GSTM5: variants seen among roughly 807,000 people sequenced by gnomAD.
GSTM5 encodes GST class-mu 5.
A neutral mutation model predicts 29.0 loss-of-function variants in GSTM5; 24 were observed. That is an observed-to-expected ratio of 0.83 (90% CI 0.60 to 1.16). The LOEUF (loss-of-function observed/expected upper bound fraction) is 1.16, where lower values mean the gene tolerates loss of function less well. GSTM5 is among the 50% of genes most tolerant of loss of function. The pLI, the probability that GSTM5 is intolerant of heterozygous loss-of-function variation, is 0.00. For missense variants in GSTM5, 290 were observed against 263.0 expected (o/e 1.10, Z -0.71); for synonymous variants, 91 against 93.6 (o/e 0.97, Z 0.16).
At position 109,715,172 on chromosome 1, in the gene GSTM5, A is replaced by C. The variant is rs749646059; in HGVS notation, c.499A>C (p.Lys167Gln). 20 of 1,614,074 alleles carry C rather than the reference A, an allele frequency of 1.2e-5. No homozygotes were observed. The highest frequency in any genetic ancestry group is 1.6e-4 in the Middle Eastern group (1 of 6,084). ...DFLAYDVLDM[K>Q]RIFEPKCLDA... is the part of the protein sequence containing the mutation. The stretch of plus-strand genomic sequence containing the variant: ...CCTTGCCTATGATGTCCTTGACATG[A>C]AGCGTATATTTGAGCCCAAGTGCTT... The change falls in exon 7 of 8, where the codon AAG becomes CAG. Residue 167 changes from lysine to glutamine, a missense_variant. Transcript: ENST00000256593.
At chr1:109,713,298 C>G in intron 3 of GSTM5, 115 bp downstream of exon 3, 1 of 1,495,738 alleles carries the variant, frequency 6.7e-7, no homozygotes, top group South Asian at 1.1e-5. Context: ...ATTCCTCTCA[C>G]TCTTGGCTGT....
At chr1:109,712,194 G>A (rs1397899995), upstream of GSTM5, 3 of 1,099,674 alleles carry the variant, frequency 2.7e-6, no homozygotes, top group Non-Finnish European at 2.8e-6. Context: ...GTGTTTCGGG[G>A]TTGTGGCGGG....
chr1:109,712,450 C>T (rs1029759691), intron 1 of GSTM5, 102 bp downstream of exon 1: 19 of 1,389,394 alleles, frequency 1.4e-5, no homozygotes, highest in African/African-American at 1.0e-4. Context: ...CAGGGCTGCC[C>T]GCCTCAGAAG....
rs969633150 is a variant in GSTM5 at position 109,712,963 on chromosome 1, T to A, written c.113-156T>A. The A allele has an allele frequency of 3.7e-5, 36 of 977,760 alleles. No homozygotes were observed. In the East Asian group the frequency reaches 9.4e-4, roughly 26 times the overall value. The allele number at this position is 977,760 out of a possible 1,614,324, so 60.6% of individuals were successfully genotyped here. A position where few individuals can be genotyped will look rare whatever the true frequency, so the allele number is the denominator to read the frequency against. On this transcript the variant is annotated intron_variant, in intron 2 of 7. Transcript: ENST00000256593. The stretch of plus-strand genomic sequence containing the variant: ...CCGTTGTGGGGTCCAGAGCCCTCAG[T>A]GGGATTCTTTCTCCCTGAACCCTGG...
Position 109,717,447 on chromosome 1 carries a change from T to A in GSTM5, c.*21T>A, listed in dbSNP as rs183054770. On this transcript the variant is annotated 3_prime_UTR_variant, in exon 8 of 8. Transcript: ENST00000256593. ...AATAGGGCCCAGTGATGCCAGAAGA[T>A]GGGAGGGAGGAGCCAACCTTGCTGC... 1.0e-4 allele frequency: 158 copies of A among 1,585,494 alleles called. 2 individuals carry two copies. The East Asian group carries it at 3.3e-3, about 33-fold the overall frequency.
In GSTM5 at chr1:109,717,461, C is replaced by A; in HGVS notation, c.*35C>A. On this transcript the variant is annotated 3_prime_UTR_variant, in exon 8 of 8. Transcript: ENST00000256593. Reference sequence around the variant, plus strand: ...ATGCCAGAAGATGGGAGGGAGGAGCCAACCTTGCTGCCTGCGACCCTGGAG... The same window carrying A: ...ATGCCAGAAGATGGGAGGGAGGAGCAAACCTTGCTGCCTGCGACCCTGGAG... 1 of 1,475,858 alleles carries A rather than the reference C, an allele frequency of 6.8e-7. No homozygotes were observed. Among genetic ancestry groups the A allele is most frequent in the Non-Finnish European group, 9.5e-7 (1 of 1,054,028 alleles). The allele number at this position is 1,475,858 out of a possible 1,614,324, so 91.4% of individuals were successfully genotyped here. A position where few individuals can be genotyped will look rare whatever the true frequency, so the allele number is the denominator to read the frequency against.
At chr1:109,715,330 T>C (rs762758508) in intron 7 of GSTM5, 90 bp downstream of exon 7, 3 of 1,613,020 alleles carry the variant, frequency 1.9e-6, no homozygotes, top group African/African-American at 2.7e-5. Context: ...ACACAAAGAA[T>C]AACTCGTATG....
Position 109,717,341 on chromosome 1 carries a change from TGAA to T in GSTM5, c.578_580del (p.Lys193del), listed in dbSNP as rs748678179. On this transcript the variant is annotated inframe_deletion, in exon 8 of 8. Coordinates refer to ENST00000256593, the MANE Select transcript of GSTM5 (RefSeq NM_000851.4). ...GCCCCTTCTTCCCGCCCTCAGGGTT[TGAA>T]GAAGATCTCTGCCTACATGAAGTCC... The T allele has an allele frequency of 9.3e-6, 15 of 1,612,902 alleles. No individual in the cohort carries two copies. The highest frequency in any genetic ancestry group is 8.8e-5 in the South Asian group (8 of 91,052).
At chr1:109,715,355 T>A in intron 7 of GSTM5, 115 bp downstream of exon 7, 1 of 1,603,654 alleles carries the variant, frequency 6.2e-7, no homozygotes. Flanking sequence ...GAGTACGGGC[T>A]TCATGCCAGG....
Position 109,717,542 on chromosome 1 carries a change from C to G in GSTM5, c.*116C>G. 2 of 736,736 alleles carry G rather than the reference C, an allele frequency of 2.7e-6. No individual in the cohort carries two copies. Among genetic ancestry groups the G allele is most frequent in the South Asian group, 3.1e-5 (2 of 64,260 alleles). 45.6% of individuals were successfully genotyped at this position (736,736 alleles called of 1,614,324 possible). Reference sequence around the variant, plus strand: ...CCTTTTTCCTTCTTTCTACTCTCTTCTCTTCCCCAAGGCCTCATTGGCTTC... The same window carrying G: ...CCTTTTTCCTTCTTTCTACTCTCTTGTCTTCCCCAAGGCCTCATTGGCTTC... On this transcript the variant is annotated 3_prime_UTR_variant, in exon 8 of 8. Transcript: ENST00000256593.
At chr1:109,711,991 A>T (rs1218449120), upstream of GSTM5, among the ~76,000 whole-genome samples, 1 of 151,842 alleles carries the variant, frequency 6.6e-6, no homozygotes, top group Non-Finnish European at 1.5e-5. Context: ...CGCACAGCCA[A>T]GTCGCTGTGG....
intron 5 of GSTM5, 112 bp downstream of exon 5, chr1:109,713,873 G>T: frequency 3.8e-6 from 2 of 527,616 alleles, no homozygotes; most frequent in Non-Finnish European, 7.4e-6. Flanking sequence ...GACTGGAGAC[G>T]TCTATAACCT....
Position 109,715,337 on chromosome 1 carries a change from T to C in GSTM5, c.567+97T>C, listed in dbSNP as rs774193643. The C allele has an allele frequency of 5.5e-5, 89 of 1,611,910 alleles. No homozygotes were observed. In the African/African-American group the frequency reaches 1.1e-3, roughly 19 times the overall value. ...CTGGAGCTACACAAAGAATAACTCG[T>C]ATGTATTGAGTACGGGCTTCATGCC... On this transcript the variant is annotated intron_variant, in intron 7 of 7. Coordinates refer to ENST00000256593, the MANE Select transcript of GSTM5 (RefSeq NM_000851.4).
rs1487099138 is a variant in GSTM5 at position 109,713,165 on chromosome 1, G to C, written c.159G>C (p.Leu53=). 1 of 1,612,540 alleles carries C rather than the reference G, an allele frequency of 6.2e-7. No homozygotes were observed. Among genetic ancestry groups the C allele is most frequent in the Admixed American group, 1.7e-5 (1 of 60,024 alleles). ...RSQWLNEKFK[L]GLDFPNLPYL... Reference sequence around the variant, plus strand: ...AGTGGCTGAATGAAAAATTCAAGCTGGGCCTGGACTTTCCCAATGTAGGTG... The same window carrying C: ...AGTGGCTGAATGAAAAATTCAAGCTCGGCCTGGACTTTCCCAATGTAGGTG... The change falls in exon 3 of 8, where the codon CTG becomes CTC. Residue 53 remains leucine, a synonymous_variant. Transcript: ENST00000256593.
At chr1:109,715,581 A>G in intron 7 of GSTM5, 3 of 1,250,666 alleles carry the variant, frequency 2.4e-6, no homozygotes, top group Non-Finnish European at 2.1e-6. Flanking sequence ...CATTTGTGAC[A>G]AAAGGAGAAG....
At position 109,715,041 on chromosome 1, in the gene GSTM5, A is replaced by G. The variant is rs367841609; in HGVS notation, c.455A>G (p.Lys152Arg). 6.2e-7 allele frequency: 1 copy of G among 1,614,250 alleles called. No homozygotes were observed. Among genetic ancestry groups the G allele is most frequent in the African/African-American group, 1.3e-5 (1 of 75,068 alleles). Residue 152 changes from lysine to arginine, a missense_variant and splice_region_variant, in exon 6 of 8, where the codon AAG becomes AGG. Physicochemically the swap from Lys to Arg is conservative, Grantham distance 26. Transcript: ENST00000256593. ...AAGCGGCCATGGTTTGCAGGAGACA[A>G]GGTAAAGGAGGAGTGATATGGGGAA... is the stretch of plus-strand genomic sequence containing the variant. Reference protein sequence around the residue: ...LGKRPWFAGDKITFVDFLAYD... With the variant: ...LGKRPWFAGDRITFVDFLAYD...
chr1:109,713,890 C>T (rs1648656128), intron 5 of GSTM5, 129 bp downstream of exon 5: 17 of 491,852 alleles, frequency 3.5e-5, no homozygotes, highest in South Asian at 2.6e-4. Context: ...ACCTGGTTCT[C>T]CAAAATGTCC....
intron 7 of GSTM5, 62 bp from the exon 8 acceptor site, chr1:109,717,275 C>CA: frequency 2.3e-6 from 3 of 1,297,052 alleles, no homozygotes; most frequent in Middle Eastern, 1.9e-4. Flanking sequence ...GTGCCTGCAG[C>CA]AAAGCTACTT....
intron 7 of GSTM5, 56 bp downstream of exon 7, chr1:109,715,296 A>G: frequency 6.2e-7 from 1 of 1,614,100 alleles, no homozygotes; most frequent in Non-Finnish European, 8.5e-7. Context: ...CTCTCCTTTC[A>G]GATGCTTTCC....
Sources: allele counts gnomAD v4.1 joint callset (sites outside exome capture counted in the v4.1 genomes callset), GRCh38; gene constraint gnomAD v4.1.1; transcripts MANE v1.5; gene names NCBI Gene and HGNC (gene_info 2026-07-23, HGNC 2026-07-21).